ANO4: variants seen among roughly 807,000 people sequenced by gnomAD.
ANO4 encodes the protein anoctamin-4.
ANO4 carries 69 observed loss-of-function variants against 141.9 expected under a neutral mutation model. That is an observed-to-expected ratio of 0.49 (90% confidence interval 0.40 to 0.59). The LOEUF is 0.59. ANO4 is among the 20% of genes least tolerant of loss of function. The probability of loss-of-function intolerance (pLI) is 0.00; values close to 1 mark genes in which losing one functional copy is unlikely to be tolerated. For synonymous variants in ANO4, 350 were observed against 394.3 expected (o/e 0.89, Z 1.33); for missense variants, 894 against 1,162.2 (o/e 0.77, Z 3.36).
chr12:100,852,050 G>A (rs994553050), intron 1 of ANO4, among the ~76,000 whole-genome samples: 9 of 152,076 alleles, frequency 5.9e-5, no homozygotes, highest in Non-Finnish European at 1.2e-4. Flanking sequence ...AATGACACAG[G>A]AATCATTGCA....
At chr12:100,754,778 A>G (rs1170006332) in intron 3 of ANO4, among the ~76,000 whole-genome samples, 2 of 152,168 alleles carry the variant, frequency 1.3e-5, no homozygotes, top group Non-Finnish European at 2.9e-5. Context: ...ACATGGATGA[A>G]CCTTGGAAAC....
intron 1 of ANO4, among the ~76,000 whole-genome samples, chr12:100,832,080 A>G (rs2036661067): frequency 6.6e-6 from 1 of 152,074 alleles, no homozygotes; most frequent in East Asian, 1.9e-4. Flanking sequence ...CACCAGTTTC[A>G]GGTATGCACA....
chr12:100,780,625 G>C (rs865851351), intron 3 of ANO4, among the ~76,000 whole-genome samples: 1 of 152,172 alleles, frequency 6.6e-6, no homozygotes, highest in Admixed American at 6.5e-5. Flanking sequence ...AGGGCAACTA[G>C]AGGTTGCCTT....
At chr12:100,799,704 G>C (rs1002095966) in intron 1 of ANO4, among the ~76,000 whole-genome samples, 3 of 152,116 alleles carry the variant, frequency 2.0e-5, no homozygotes, top group African/African-American at 7.2e-5. Context: ...TTGCGCCATT[G>C]CACTCCAGCC....
At position 100,922,332 on chromosome 12, in the gene ANO4, T is replaced by C; in HGVS notation, c.160+2T>C. 1 of 1,517,566 alleles carries C rather than the reference T, an allele frequency of 6.6e-7. No individual in the cohort carries two copies. 94.0% of individuals were successfully genotyped at this position (1,517,566 alleles called of 1,614,324 possible). A position where few individuals can be genotyped will look rare whatever the true frequency, so the allele number is the denominator to read the frequency against. On this transcript the variant is annotated splice_donor_variant, in intron 3 of 27. Transcript: ENST00000392977. LOFTEE classifies it high-confidence loss of function. ...AGATTCTTAATGCAATACAAGAAAG[T>C]AAGTTTCACTCAAATTTTAAATTCG...
intron 14 of ANO4, among the ~76,000 whole-genome samples, chr12:101,058,660 G>A (rs994380841): frequency 2.0e-5 from 3 of 152,052 alleles, no homozygotes; most frequent in Non-Finnish European, 4.4e-5. Flanking sequence ...TTGGCTCTCT[G>A]TTTATCTGTT....
chr12:100,891,393 G>A (rs2040097433), intron 1 of ANO4, among the ~76,000 whole-genome samples: 1 of 152,162 alleles, frequency 6.6e-6, no homozygotes, highest in Non-Finnish European at 1.5e-5. Context: ...GTGAGAAACT[G>A]CCAAACTGTC....
At chr12:100,998,234 C>T (rs1053468020) in intron 8 of ANO4, among the ~76,000 whole-genome samples, 21 of 152,190 alleles carry the variant, frequency 1.4e-4, no homozygotes, top group African/African-American at 4.6e-4. Context: ...ATCTCCCTCC[C>T]GTGCTGGATG....
chr12:101,059,111 T>G (rs2048244675), intron 14 of ANO4, among the ~76,000 whole-genome samples: 1 of 152,224 alleles, frequency 6.6e-6, no homozygotes, highest in South Asian at 2.1e-4. Flanking sequence ...CTGTATCTAT[T>G]GAGATAATCA....
At chr12:100,833,115 A>T (rs1444771481) in intron 1 of ANO4, among the ~76,000 whole-genome samples, 1 of 152,136 alleles carries the variant, frequency 6.6e-6, no homozygotes, top group Non-Finnish European at 1.5e-5. Flanking sequence ...GGGGGAGAGG[A>T]TGCACACAGT....
At chr12:100,806,866 T>A (rs1285531151) in intron 1 of ANO4, among the ~76,000 whole-genome samples, 1 of 152,050 alleles carries the variant, frequency 6.6e-6, no homozygotes, top group African/African-American at 2.4e-5. Context: ...ACTAGAAAAA[T>A]TCACATTTCC....
intron 2 of ANO4, among the ~76,000 whole-genome samples, chr12:100,905,001 A>G (rs1201526727): frequency 1.3e-5 from 2 of 152,192 alleles, no homozygotes; most frequent in African/African-American, 2.4e-5. Context: ...AGAAGAGCAA[A>G]GGATGACTGA....
chr12:100,841,145 T>G (rs981207264), intron 1 of ANO4, among the ~76,000 whole-genome samples: 15 of 152,158 alleles, frequency 9.9e-5, no homozygotes, highest in Middle Eastern at 3.2e-3. Flanking sequence ...AGATGGATAT[T>G]ATGATGGTAA....
chr12:100,725,364 T>TG (rs2031066431), intron 1 of ANO4, among the ~76,000 whole-genome samples: 1 of 149,086 alleles, frequency 6.7e-6, no homozygotes, highest in East Asian at 2.0e-4. Context: ...TTTTTTTTTT[T>TG]GAGACGGAGT....
chr12:101,069,121 G>C, intron 14 of ANO4: 1 of 1,302,152 alleles, frequency 7.7e-7, no homozygotes, highest in Non-Finnish European at 1.1e-6. Context: ...TCAAACGGAA[G>C]AAAGTGGCAG....
intron 14 of ANO4, among the ~76,000 whole-genome samples, chr12:101,078,873 C>T (rs1266305658): frequency 2.6e-5 from 4 of 152,270 alleles, no homozygotes; most frequent in South Asian, 2.1e-4. Flanking sequence ...AGATAGATGT[C>T]GGTAACCCAG....
intron 1 of ANO4, among the ~76,000 whole-genome samples, chr12:100,817,654 G>T (rs2035812217): frequency 6.6e-6 from 1 of 151,960 alleles, no homozygotes; most frequent in African/African-American, 2.4e-5. Context: ...ACTGGTCATT[G>T]ATTTTCATAC....
At chr12:100,781,679 G>A (rs2033715698) in intron 3 of ANO4, among the ~76,000 whole-genome samples, 1 of 152,148 alleles carries the variant, frequency 6.6e-6, no homozygotes, top group Non-Finnish European at 1.5e-5. Context: ...TGGAGAAATG[G>A]CCTTTAGTTC....
chr12:100,952,452 A>C (rs2043009288), intron 5 of ANO4, among the ~76,000 whole-genome samples: 1 of 152,186 alleles, frequency 6.6e-6, no homozygotes, highest in Non-Finnish European at 1.5e-5. Flanking sequence ...ACTGATAAAG[A>C]AGGGAGTGAT....
Sources: gnomAD v4.1 joint callset for allele counts (sites outside exome capture counted in the v4.1 genomes callset) on GRCh38, gnomAD v4.1.1 for gene constraint, MANE v1.5 for transcripts, NCBI Gene and HGNC (gene_info 2026-07-23, HGNC 2026-07-21) for gene names.